EVX2: variants seen among roughly 807,000 people sequenced by gnomAD.
EVX2 encodes homeobox even-skipped homolog protein 2.
In EVX2, 10 loss-of-function variants were observed where a neutral mutation model predicts 19.2. The ratio of observed to expected loss-of-function variants is 0.52; its 90% confidence interval spans 0.32 to 0.89. The LOEUF is 0.89. EVX2 is among the 40% of genes least tolerant of loss of function. EVX2 has a pLI of 0.03. For missense variants in EVX2, 710 were observed against 694.9 expected (o/e 1.02, Z -0.24); for synonymous variants, 354 against 328.4 (o/e 1.08, Z -0.84).
At position 176,079,146 on chromosome 2, in the gene EVX2, G is replaced by T. The variant is rs747142437; in HGVS notation, c.*961C>A. Reference sequence around the variant, plus strand: ...TATCTAGAGATTCAAGTATTTCCCAGATCGAGTGGAACCCGGTAGTTGGAA... The same window carrying T: ...TATCTAGAGATTCAAGTATTTCCCATATCGAGTGGAACCCGGTAGTTGGAA... On this transcript the variant is annotated 3_prime_UTR_variant, in exon 3 of 3. Transcript: ENST00000308618. The surrounding 1 kb of genome is among the most constrained non-coding windows in gnomAD (Gnocchi z 4.4). 1 of 152,200 alleles carries T rather than the reference G, an allele frequency of 6.6e-6. No homozygotes were observed. The highest frequency in any genetic ancestry group is 1.5e-5 in the Non-Finnish European group (1 of 68,040). 9.4% of individuals were successfully genotyped at this position (152,200 alleles called of 1,614,324 possible). A position where few individuals can be genotyped will look rare whatever the true frequency, so the allele number is the denominator to read the frequency against.
At position 176,080,850 on chromosome 2, in the gene EVX2, G is replaced by C; in HGVS notation, c.700-12C>G. On this transcript the variant is annotated splice_polypyrimidine_tract_variant and intron_variant, in intron 2 of 2. Transcript: ENST00000308618. This position sits in a 1 kb window ranked among gnomAD's most constrained non-coding sequence, Gnocchi z 7.0. Reference sequence around the variant, plus strand: ...TTCTGGAACCACACCTGCGGGGAGAGACGCGCCGCAGCCTGGGTTAGGGAG... The same window carrying C: ...TTCTGGAACCACACCTGCGGGGAGACACGCGCCGCAGCCTGGGTTAGGGAG... 1 of 1,604,956 alleles carries C rather than the reference G, an allele frequency of 6.2e-7. No individual in the cohort carries two copies. Among genetic ancestry groups the C allele is most frequent in the Non-Finnish European group, 8.5e-7 (1 of 1,176,446 alleles).
rs1183847987 is a variant in EVX2, at chr2:176,080,899, C to G, written c.700-61G>C. The G allele has an allele frequency of 1.9e-6, 3 of 1,546,140 alleles. No individual in the cohort carries two copies. Among genetic ancestry groups the G allele is most frequent in the South Asian group, 2.5e-5 (2 of 80,916 alleles). The stretch of plus-strand genomic sequence containing the variant: ...AGCGCCCCGTGTTCCCAGCTCCTGT[C>G]CCAGGACCTCTGCCCCTTCCGGACC... On this transcript the variant is annotated intron_variant, in intron 2 of 2. Coordinates refer to ENST00000308618, the MANE Select transcript of EVX2 (RefSeq NM_001080458.2). The surrounding 1 kb of genome is among the most constrained non-coding windows in gnomAD (Gnocchi z 7.0).
In EVX2 at chr2:176,078,691, C is replaced by T. The variant is rs1689087607; in HGVS notation, c.*1416G>A. ...GCACCAAGAACAATGTTTTATGTAC[C>T]GAGTCTCTTATCCGTCTCTCCTAAT... On this transcript the variant is annotated 3_prime_UTR_variant, in exon 3 of 3. Transcript: ENST00000308618. The T allele has an allele frequency of 6.6e-6, 1 of 152,128 alleles. No homozygotes were observed. Among genetic ancestry groups the T allele is most frequent in the Non-Finnish European group, 1.5e-5 (1 of 68,026 alleles). 9.4% of individuals were successfully genotyped at this position (152,128 alleles called of 1,614,324 possible).
chr2:176,083,786 C>T lies in EVX2; in HGVS notation c.-10G>A, dbSNP rs749695990. On this transcript the variant is annotated 5_prime_UTR_variant, in exon 1 of 3. Coordinates refer to ENST00000308618, the MANE Select transcript of EVX2 (RefSeq NM_001080458.2). The surrounding 1 kb of genome is among the most constrained non-coding windows in gnomAD (Gnocchi z 4.4). ...TTATTCTTTCCATCATCTCAGCTTT[C>T]TTAAAAATGTCACAGTGGCCCTGCT... 6.2e-7 allele frequency: 1 copy of T among 1,604,034 alleles called. No individual in the cohort carries two copies. Among genetic ancestry groups the T allele is most frequent in the South Asian group, 1.1e-5 (1 of 90,922 alleles).
Position 176,080,613 on chromosome 2 carries a change from AAGCCGCGGCCGCCGCGCCTGAGGCTGC to A in EVX2, c.898_924del (p.Ala300_Ala308del), listed in dbSNP as rs747369034. 6.5e-4 allele frequency: 995 copies of A among 1,524,676 alleles called. 3 individuals carry two copies. The highest frequency in any genetic ancestry group is 5.3e-3 in the Admixed American group (237 of 44,648). The allele number at this position is 1,524,676 out of a possible 1,614,324, so 94.4% of individuals were successfully genotyped here. Reference sequence around the variant, plus strand: ...CGGATGGAAGTAGCGAAGGGCGACGAAGCCGCGGCCGCCGCGCCTGAGGCTGCAGCCGCGGCCGCCGCCGCCGTGACG... The same window carrying A: ...CGGATGGAAGTAGCGAAGGGCGACGAAGCCGCGGCCGCCGCCGCCGTGACG... On this transcript the variant is annotated inframe_deletion, in exon 3 of 3. Coordinates refer to ENST00000308618, the MANE Select transcript of EVX2 (RefSeq NM_001080458.2). This position sits in a 1 kb window ranked among gnomAD's most constrained non-coding sequence, Gnocchi z 7.0.
chr2:176,082,251 C>A lies in EVX2; in HGVS notation c.626G>T (p.Arg209Leu), dbSNP rs1476936403. 6.2e-7 allele frequency: 1 copy of A among 1,603,826 alleles called. No homozygotes were observed. The highest frequency in any genetic ancestry group is 1.1e-5 in the South Asian group (1 of 90,864). ...GCGGGGCCGCGACACATAGTTCTCC[C>A]GGTAGAACTCCTTCTCCAGGCGCGC... ...QIARLEKEFY[R>L]ENYVSRPRRC... Residue 209 changes from arginine (R) to leucine (L), a missense_variant, in exon 2 of 3, where the codon CGG (arginine) becomes CTG (leucine). Physicochemically the swap from Arg to Leu is moderately radical, Grantham distance 102 (BLOSUM62 -2). Coordinates refer to ENST00000308618, the MANE Select transcript of EVX2 (RefSeq NM_001080458.2). This position sits in a 1 kb window ranked among gnomAD's most constrained non-coding sequence, Gnocchi z 5.2.
In EVX2 at chr2:176,080,805, G is replaced by A; in HGVS notation, c.733C>T (p.Arg245Trp). 1 of 1,612,222 alleles carries A rather than the reference G, an allele frequency of 6.2e-7. No individual in the cohort carries two copies. The highest frequency in any genetic ancestry group is 8.5e-7 in the Non-Finnish European group (1 of 1,179,694). Residue 245 changes from arginine to tryptophan, a missense_variant, in exon 3 of 3, where the codon CGG becomes TGG. By Grantham distance (101) the Arg-to-Trp change is moderately radical (BLOSUM62 -3). Coordinates refer to ENST00000308618, the MANE Select transcript of EVX2 (RefSeq NM_001080458.2). The surrounding 1 kb of genome is among the most constrained non-coding windows in gnomAD (Gnocchi z 7.0). ...GGCCAGGACATGGCCAGGCGCTGCC[G>A]CTTGTCCTTCATGCGCCGGTTCTGG... is the stretch of plus-strand genomic sequence containing the variant. ...WFQNRRMKDK[R>W]QRLAMSWPHP...
rs1180654921 is a variant in EVX2 at position 176,083,157 on chromosome 2, C to G, written c.427+193G>C. On this transcript the variant is annotated intron_variant, in intron 1 of 2. Coordinates refer to ENST00000308618, the MANE Select transcript of EVX2 (RefSeq NM_001080458.2). The surrounding 1 kb of genome is among the most constrained non-coding windows in gnomAD (Gnocchi z 4.4). Reference sequence around the variant, plus strand: ...TGTTCCAGGCTCCGCAGGCCTGAGCCTGGCGGGAAAGCTCAAGGAGCAGAA... The same window carrying G: ...TGTTCCAGGCTCCGCAGGCCTGAGCGTGGCGGGAAAGCTCAAGGAGCAGAA... 6.6e-6 allele frequency among the ~76,000 whole-genome samples: 1 copy of G among 152,166 alleles called. No individual in the cohort carries two copies. Among genetic ancestry groups the G allele is most frequent in the African/African-American group, 2.4e-5 (1 of 41,394 alleles).
chr2:176,080,358 T>C lies in EVX2; in HGVS notation c.1180A>G (p.Ser394Gly). 1 of 1,236,440 alleles carries C rather than the reference T, an allele frequency of 8.1e-7. No homozygotes were observed. The highest frequency in any genetic ancestry group is 1.0e-6 in the Non-Finnish European group (1 of 975,650). The allele number at this position is 1,236,440 out of a possible 1,614,324, so 76.6% of individuals were successfully genotyped here. The change falls in exon 3 of 3, where the codon AGC becomes GGC. Residue 394 changes from serine to glycine, a missense_variant. Physicochemically the swap from Ser to Gly is moderately conservative, Grantham distance 56. Transcript: ENST00000308618. This position sits in a 1 kb window ranked among gnomAD's most constrained non-coding sequence, Gnocchi z 7.0. The part of the protein sequence containing the change: ...SAPCSCLSCH[S>G]SQSAAAAAAA... The stretch of plus-strand genomic sequence containing the variant: ...GCGGCTGCCGCCGCCGACTGACTGC[T>C]GTGGCAACTGAGGCACGAGCAGGGT...
chr2:176,080,671 G>A lies in EVX2; in HGVS notation c.867C>T (p.His289=), dbSNP rs1445356770. The A allele has an allele frequency of 3.1e-6, 5 of 1,591,870 alleles. No homozygotes were observed. The highest frequency in any genetic ancestry group is 2.2e-5 in the South Asian group (2 of 89,942). Residue 289 remains histidine, a synonymous_variant, in exon 3 of 3, where the codon CAC becomes CAT. Coordinates refer to ENST00000308618, the MANE Select transcript of EVX2 (RefSeq NM_001080458.2). This position sits in a 1 kb window ranked among gnomAD's most constrained non-coding sequence, Gnocchi z 7.0. ...CGGCCGCCGCCGCCGTGACGCCCAC[G>A]TGCGGGTAGTAGTGCAGCGGCACGT... ...HSHVPLHYYP[H]VGVTAAAAAA... is the part of the protein sequence containing the mutation.
At position 176,080,374 on chromosome 2, in the gene EVX2, C is replaced by A. The variant is rs757906013; in HGVS notation, c.1164G>T (p.Ser388=). Residue 388 remains serine (S), a synonymous_variant, in exon 3 of 3, where the codon TCG becomes TCT. Coordinates refer to ENST00000308618, the MANE Select transcript of EVX2 (RefSeq NM_001080458.2). The surrounding 1 kb of genome is among the most constrained non-coding windows in gnomAD (Gnocchi z 7.0). Reference sequence around the variant, plus strand: ...ACTGACTGCTGTGGCAACTGAGGCACGAGCAGGGTGCAGAGCCGCCGCTGG... The same window carrying A: ...ACTGACTGCTGTGGCAACTGAGGCAAGAGCAGGGTGCAGAGCCGCCGCTGG... The part of the protein sequence containing the change: ...APPSGGSAPC[S]CLSCHSSQSA... 6 of 1,219,246 alleles carry A rather than the reference C, an allele frequency of 4.9e-6. No individual in the cohort carries two copies. The South Asian group carries it at 8.2e-5, about 17-fold the overall frequency. 75.5% of individuals were successfully genotyped at this position (1,219,246 alleles called of 1,614,324 possible).
chr2:176,080,608 C>A lies in EVX2; in HGVS notation c.930G>T (p.Ser310=), dbSNP rs748994507. The change falls in exon 3 of 3, where the codon TCG becomes TCT. Residue 310 remains serine, a synonymous_variant. Transcript: ENST00000308618. This position sits in a 1 kb window ranked among gnomAD's most constrained non-coding sequence, Gnocchi z 7.0. ...AASGAAAAAS[S]PFATSIRPLD... Reference sequence around the variant, plus strand: ...GTGGCCGGATGGAAGTAGCGAAGGGCGACGAAGCCGCGGCCGCCGCGCCTG... The same window carrying A: ...GTGGCCGGATGGAAGTAGCGAAGGGAGACGAAGCCGCGGCCGCCGCGCCTG... The A allele has an allele frequency of 3.9e-6, 6 of 1,525,388 alleles. No homozygotes were observed. The African/African-American group carries it at 4.2e-5, about 11-fold the overall frequency. 94.5% of individuals were successfully genotyped at this position (1,525,388 alleles called of 1,614,324 possible).
chr2:176,083,354 G>C lies in EVX2; in HGVS notation c.423C>G (p.Gly141=), dbSNP rs769605061. The part of the protein sequence containing the change: ...LGAAQLKENN[G]KGYAESGSAA... ...CGGTGCGGCCGGCGCGGTTACCTTT[G>C]CCATTGTTTTCCTTAAGCTGAGCGG... Residue 141 remains glycine (G), a synonymous_variant, in exon 1 of 3, where the codon GGC becomes GGG. Coordinates refer to ENST00000308618, the MANE Select transcript of EVX2 (RefSeq NM_001080458.2). The surrounding 1 kb of genome is among the most constrained non-coding windows in gnomAD (Gnocchi z 4.4). 5.7e-6 allele frequency: 9 copies of C among 1,586,880 alleles called. No homozygotes were observed. In the South Asian group the frequency reaches 1.0e-4, roughly 18 times the overall value.
chr2:176,080,633 G>C lies in EVX2; in HGVS notation c.905C>G (p.Ser302Ter). 1 of 1,548,448 alleles carries C rather than the reference G, an allele frequency of 6.5e-7. No individual in the cohort carries two copies. Among genetic ancestry groups the C allele is most frequent in the African/African-American group, 1.4e-5 (1 of 72,460 alleles). The part of the protein sequence containing the change: ...VTAAAAAAAA[S>*]GAAAAASSPF... ...CGACGAAGCCGCGGCCGCCGCGCCT[G>C]AGGCTGCAGCCGCGGCCGCCGCCGC... The change falls in exon 3 of 3, where the codon TCA (serine) becomes TGA (stop). Residue 302 changes from serine to a stop codon, truncating the protein, a stop_gained. Coordinates refer to ENST00000308618, the MANE Select transcript of EVX2 (RefSeq NM_001080458.2). LOFTEE classifies it low-confidence loss of function (END_TRUNC). The surrounding 1 kb of genome is among the most constrained non-coding windows in gnomAD (Gnocchi z 7.0).
rs769516388 is a variant in EVX2, at chr2:176,082,473, G to A, written c.428-24C>T. On this transcript the variant is annotated intron_variant, in intron 1 of 2. Transcript: ENST00000308618. This position sits in a 1 kb window ranked among gnomAD's most constrained non-coding sequence, Gnocchi z 5.2. ...CCCTGGCAAACAAACGACCAACAGC[G>A]CATGAGTGGCTGTAGGACCAACAGC... 1.3e-6 allele frequency: 2 copies of A among 1,520,308 alleles called. No individual in the cohort carries two copies. The highest frequency in any genetic ancestry group is 2.3e-5 in the East Asian group (1 of 42,894). The allele number at this position is 1,520,308 out of a possible 1,614,324, so 94.2% of individuals were successfully genotyped here.
rs1289358480 is a variant in EVX2, at chr2:176,080,382, G to A, written c.1156C>T (p.Pro386Ser). The A allele has an allele frequency of 1.8e-6, 2 of 1,138,468 alleles. No homozygotes were observed. Among genetic ancestry groups the A allele is most frequent in the Non-Finnish European group, 2.2e-6 (2 of 925,272 alleles). 70.5% of individuals were successfully genotyped at this position (1,138,468 alleles called of 1,614,324 possible). A position where few individuals can be genotyped will look rare whatever the true frequency, so the allele number is the denominator to read the frequency against. ...AGAPPSGGSA[P>S]CSCLSCHSSQ... is the part of the protein sequence containing the mutation. ...CTGTGGCAACTGAGGCACGAGCAGG[G>A]TGCAGAGCCGCCGCTGGGGGGCGCG... Residue 386 changes from proline to serine, a missense_variant, in exon 3 of 3, where the codon CCC becomes TCC. By Grantham distance (74) the Pro-to-Ser change is moderately conservative (BLOSUM62 -1). Coordinates refer to ENST00000308618, the MANE Select transcript of EVX2 (RefSeq NM_001080458.2). The surrounding 1 kb of genome is among the most constrained non-coding windows in gnomAD (Gnocchi z 7.0).
At position 176,082,524 on chromosome 2, in the gene EVX2, G is replaced by C; in HGVS notation, c.428-75C>G. 6.8e-7 allele frequency: 1 copy of C among 1,471,390 alleles called. No homozygotes were observed. The highest frequency in any genetic ancestry group is 1.5e-5 in the African/African-American group (1 of 68,662). The allele number at this position is 1,471,390 out of a possible 1,614,324, so 91.1% of individuals were successfully genotyped here. On this transcript the variant is annotated intron_variant, in intron 1 of 2. Transcript: ENST00000308618. The surrounding 1 kb of genome is among the most constrained non-coding windows in gnomAD (Gnocchi z 5.2). Reference sequence around the variant, plus strand: ...CCGGCGCTGGCGCTGCGCGCGGATCGGGGAAGCCCCGTCAGGAAGGAGAGT... The same window carrying C: ...CCGGCGCTGGCGCTGCGCGCGGATCCGGGAAGCCCCGTCAGGAAGGAGAGT...
At position 176,083,661 on chromosome 2, in the gene EVX2, G is replaced by A; in HGVS notation, c.116C>T (p.Ala39Val). 1 of 1,614,144 alleles carries A rather than the reference G, an allele frequency of 6.2e-7. No individual in the cohort carries two copies. ...SNSAGNAVLE[A>V]LENSQHPARL... Reference sequence around the variant, plus strand: ...AGCCGGGTGCTGCGAATTTTCCAGGGCCTCGAGCACAGCATTGCCAGCCGA... The same window carrying A: ...AGCCGGGTGCTGCGAATTTTCCAGGACCTCGAGCACAGCATTGCCAGCCGA... The change falls in exon 1 of 3, where the codon GCC becomes GTC. Residue 39 changes from alanine to valine, a missense_variant. Ala to Val is a moderately conservative substitution (Grantham distance 64). Coordinates refer to ENST00000308618, the MANE Select transcript of EVX2 (RefSeq NM_001080458.2). This position sits in a 1 kb window ranked among gnomAD's most constrained non-coding sequence, Gnocchi z 4.4.
Position 176,081,624 on chromosome 2 carries a change from C to T in EVX2, c.699+554G>A, listed in dbSNP as rs1689147384. Reference sequence around the variant, plus strand: ...CCAGACGTATAATAAAATTAATAACCTAAAGTTATATATAAATAAGGACAA... The same window carrying T: ...CCAGACGTATAATAAAATTAATAACTTAAAGTTATATATAAATAAGGACAA... On this transcript the variant is annotated intron_variant, in intron 2 of 2. Transcript: ENST00000308618. This position sits in a 1 kb window ranked among gnomAD's most constrained non-coding sequence, Gnocchi z 5.9. Among the ~76,000 whole-genome samples the T allele has an allele frequency of 6.6e-6, 1 of 152,136 alleles. No homozygotes were observed. Among genetic ancestry groups the T allele is most frequent in the South Asian group, 2.1e-4 (1 of 4,828 alleles).
Sources: allele counts gnomAD v4.1 joint callset (sites outside exome capture counted in the v4.1 genomes callset), GRCh38; gene constraint gnomAD v4.1.1; non-coding constraint Gnocchi (gnomAD v3.1); transcripts MANE v1.5; gene names NCBI Gene and HGNC (gene_info 2026-07-23, HGNC 2026-07-21).